Variants in ARHGEF18 observed in about 807,000 individuals in gnomAD.
ARHGEF18 encodes the protein Rho/Rac guanine nucleotide exchange factor 18.
ARHGEF18 carries 93 observed loss-of-function variants against 155.7 expected under a neutral mutation model. That is an observed-to-expected ratio of 0.60 (90% CI 0.50 to 0.71). The LOEUF is 0.71. Ranked by LOEUF, ARHGEF18 falls within the 30% of genes least tolerant of loss-of-function variation. ARHGEF18 has a pLI of 0.00. For missense variants in ARHGEF18, 1,593 were observed against 1,816.1 expected, an observed-to-expected ratio of 0.88 and a Z score of 2.23; for synonymous variants, 742 against 753.1, an observed-to-expected ratio of 0.99 and a Z score of 0.24.
intron 22 of ARHGEF18, 85 bp from the exon 23 acceptor site, chr19:7,464,475 T>A: frequency 1.3e-6 from 2 of 1,509,616 alleles, no homozygotes; most frequent in Non-Finnish European, 1.8e-6. Context: ...GTTTCCTACC[T>A]GGGCAGGGGC....
chr19:7,369,922 C>T (rs549275041), intron 2 of ARHGEF18, among the ~76,000 whole-genome samples: 8 of 151,882 alleles, frequency 5.3e-5, no homozygotes, highest in Admixed American at 2.0e-4. Flanking sequence ...TTAGTTTGGG[C>T]GCAGCGGCTC....
At chr19:7,478,143 C>T in the ARHGEF18 span, among the ~76,000 whole-genome samples, 1 of 152,248 alleles carries the variant, frequency 6.6e-6, no homozygotes, top group Non-Finnish European at 1.5e-5. Context: ...AAGCAAGCCT[C>T]AGTTTCTCCA....
chr19:7,358,236 T>C (rs111452368), intron 1 of ARHGEF18, among the ~76,000 whole-genome samples: 14 of 130,688 alleles, frequency 1.1e-4, no homozygotes, highest in African/African-American at 5.2e-4. Context: ...CATCCATCCA[T>C]CCATCCACCC....
intron 10 of ARHGEF18, among the ~76,000 whole-genome samples, chr19:7,397,346 G>A (rs957070337): frequency 6.6e-5 from 10 of 151,862 alleles, no homozygotes; most frequent in Non-Finnish European, 1.3e-4. Flanking sequence ...GCTCACTACA[G>A]CCTCGAACTC....
intron 10 of ARHGEF18, among the ~76,000 whole-genome samples, chr19:7,397,117 AAT>A (rs1971756962): frequency 6.6e-6 from 1 of 150,922 alleles, no homozygotes; most frequent in African/African-American, 2.4e-5. Flanking sequence ...AAAAAAAAAA[AAT>A]GAAGATGTGT....
At chr19:7,410,541 G>C (rs182531932) in intron 10 of ARHGEF18, among the ~76,000 whole-genome samples, 1 of 152,148 alleles carries the variant, frequency 6.6e-6, no homozygotes. Flanking sequence ...GGGCATGGTG[G>C]TTCGCGCCTG....
In ARHGEF18 at chr19:7,377,074, CT is replaced by C. The variant is rs568950701; in HGVS notation, c.541+318del. On this transcript the variant is annotated intron_variant, in intron 5 of 28. Transcript: ENST00000668164. ...CCAAGATTCTCTCTTCTCTCTATGA[CT>C]CTTTTTTTTTTTTGAGATAGAGTCT... 2.7e-3 allele frequency among the ~76,000 whole-genome samples: 346 copies of C among 130,386 alleles called. 11 individuals are homozygous for C. The East Asian group carries it at 0.07, about 26-fold the overall frequency. 85.5% of individuals were successfully genotyped at this position (130,386 alleles called of 152,430 possible).
At chr19:7,359,340 G>A (rs1484931162) in intron 1 of ARHGEF18, among the ~76,000 whole-genome samples, 1 of 152,172 alleles carries the variant, frequency 6.6e-6, no homozygotes, top group Admixed American at 6.5e-5. Flanking sequence ...TGGGGCAATT[G>A]TGGTTGGTAA....
chr19:7,452,305 C>A (rs893221546), intron 16 of ARHGEF18, among the ~76,000 whole-genome samples: 14 of 152,212 alleles, frequency 9.2e-5, no homozygotes, highest in African/African-American at 2.9e-4. Context: ...GCCAGGAGTT[C>A]TGGCAGCCAG....
chr19:7,467,566 A>G lies in ARHGEF18; in HGVS notation c.3362A>G (p.Glu1121Gly). ...CGCCAGGCCTACCAGCACGACCTGG[A>G]GCGGCTGCGCGAGGCCCAGCGTGCC... ...RQRQAYQHDL[E>G]RLREAQRAVE... Residue 1121 changes from glutamate to glycine, a missense_variant, in exon 26 of 29, where the codon GAG becomes GGG. Transcript: ENST00000668164. 1 of 1,492,010 alleles carries G rather than the reference A, an allele frequency of 6.7e-7. No individual in the cohort carries two copies. Among genetic ancestry groups the G allele is most frequent in the Non-Finnish European group, 8.9e-7 (1 of 1,129,680 alleles). 92.4% of individuals were successfully genotyped at this position (1,492,010 alleles called of 1,614,324 possible).
intron 10 of ARHGEF18, among the ~76,000 whole-genome samples, chr19:7,427,419 T>C (rs1019819094): frequency 6.6e-6 from 1 of 151,820 alleles, no homozygotes; most frequent in African/African-American, 2.4e-5. Context: ...GGTGGGAGGA[T>C]TGCCTGAGCG....
At chr19:7,380,846 C>T (rs1370685391) in intron 7 of ARHGEF18, 71 bp from the exon 8 acceptor site, 3 of 1,024,020 alleles carry the variant, frequency 2.9e-6, no homozygotes, top group African/African-American at 1.7e-5. Flanking sequence ...TGCCTGTACT[C>T]GGTAGCACTG....
At chr19:7,385,833 A>ATCTCTCTCTCTCTC (rs762196307) in intron 10 of ARHGEF18, among the ~76,000 whole-genome samples, 36 of 51,950 alleles carry the variant, frequency 6.9e-4, no homozygotes, top group East Asian at 1.5e-3. Flanking sequence ...ATCTCTCTCT[A>ATCTCTCTCTCTCTC]TCTCTCTCTC....
At chr19:7,473,666 C>G (rs187447269), downstream of ARHGEF18, among the ~76,000 whole-genome samples, 5 of 151,966 alleles carry the variant, frequency 3.3e-5, no homozygotes, top group African/African-American at 9.7e-5. Context: ...AGAAATTAGC[C>G]GGGCGTGGTG....
At position 7,419,927 on chromosome 19, in the gene ARHGEF18, G is replaced by T. The variant is rs192637807; in HGVS notation, c.968-20417G>T. ...CTGTACCCCAGATACACCCACACTC[G>T]GCCTCTGTACCCCAGGTGTACTCAC... is the stretch of plus-strand genomic sequence containing the variant. On this transcript the variant is annotated intron_variant, in intron 10 of 28. Coordinates refer to ENST00000668164, the MANE Select transcript of ARHGEF18 (RefSeq NM_001367823.1). 9.3e-5 allele frequency among the ~76,000 whole-genome samples: 14 copies of T among 151,134 alleles called. 1 individual carries two copies. The highest frequency in any genetic ancestry group is 9.2e-4 in the Admixed American group (14 of 15,146).
In ARHGEF18 at chr19:7,385,915, C is replaced by T. The variant is rs1175707502; in HGVS notation, c.967+2712C>T. On this transcript the variant is annotated intron_variant, in intron 10 of 28. Transcript: ENST00000668164. ...CCCTCCCTCTCTCTCTCCCTCTCTC[C>T]CTCTCTCTCTCTCTCTCTCTCCCCC... 7.1e-3 allele frequency among the ~76,000 whole-genome samples: 239 copies of T among 33,674 alleles called. 16 individuals carry two copies. Among genetic ancestry groups the T allele is most frequent in the African/African-American group, 0.048 (168 of 3,532 alleles). 22.1% of individuals were successfully genotyped at this position (33,674 alleles called of 152,430 possible).
At position 7,444,441 on chromosome 19, in the gene ARHGEF18, T is replaced by C; in HGVS notation, c.1598T>C (p.Leu533Pro). Residue 533 changes from leucine (L) to proline (P), a missense_variant, in exon 14 of 29, where the codon CTC becomes CCC. Transcript: ENST00000668164. The surrounding 1 kb of genome is among the most constrained non-coding windows in gnomAD (Gnocchi z 4.7). ...RNYVIQKIGD[L>P]LVQQFSGENG... ...TATGTCATCCAGAAAATCGGCGACCTCCTGGTTCAGCAGGTGGGTGCAGCC... is the reference window on the plus strand; with the variant it reads ...TATGTCATCCAGAAAATCGGCGACCCCCTGGTTCAGCAGGTGGGTGCAGCC... The C allele has an allele frequency of 6.2e-7, 1 of 1,613,540 alleles. No homozygotes were observed.
chr19:7,376,641 A>G lies in ARHGEF18; in HGVS notation c.427-2A>G. The G allele has an allele frequency of 1.6e-6, 2 of 1,233,990 alleles. No individual in the cohort carries two copies. Among genetic ancestry groups the G allele is most frequent in the Non-Finnish European group, 2.0e-6 (2 of 987,864 alleles). The allele number at this position is 1,233,990 out of a possible 1,614,324, so 76.4% of individuals were successfully genotyped here. On this transcript the variant is annotated splice_acceptor_variant, in intron 4 of 28. Transcript: ENST00000668164. LOFTEE classifies it high-confidence loss of function. ...CTTAGTGAGATGTTTAATCCCCTGC[A>G]GGAATGTGACAGCCCCAAGAAAAGA...
chr19:7,417,652 G>A (rs895279062), intron 10 of ARHGEF18, among the ~76,000 whole-genome samples: 3 of 152,174 alleles, frequency 2.0e-5, no homozygotes, highest in African/African-American at 4.8e-5. Context: ...AGCTGAGATC[G>A]CACCATTGTA....
Sources: gnomAD v4.1 joint callset for allele counts (sites outside exome capture counted in the v4.1 genomes callset) on GRCh38, gnomAD v4.1.1 for gene constraint, Gnocchi (gnomAD v3.1) non-coding constraint, MANE v1.5 for transcripts, NCBI Gene and HGNC (gene_info 2026-07-23, HGNC 2026-07-21) for gene names.